NELL1: variants seen among roughly 807,000 people sequenced by gnomAD.
NELL1 encodes protein kinase C-binding protein NELL1.
NELL1 carries 76 observed loss-of-function variants against 107.4 expected under a neutral mutation model. The observed-to-expected ratio is 0.71, with a 90% CI of 0.59 to 0.86. The LOEUF (loss-of-function observed/expected upper bound fraction) is 0.86, where lower values mean the gene tolerates loss of function less well. NELL1 is among the 40% of genes least tolerant of loss of function. The pLI is 0.00. For missense variants in NELL1, 1,024 were observed against 1,005.5 expected, an observed-to-expected ratio of 1.02 and a Z score of -0.25; for synonymous variants, 353 against 341.2, an observed-to-expected ratio of 1.03 and a Z score of -0.38.
intron 12 of NELL1, among the ~76,000 whole-genome samples, chr11:21,082,643 T>A (rs1854295980): frequency 6.6e-6 from 1 of 152,202 alleles, no homozygotes; most frequent in East Asian, 1.9e-4. Context: ...TTTGAAAGCC[T>A]CTAGGATCTG....
chr11:21,560,687 G>C (rs1432732515), intron 17 of NELL1, among the ~76,000 whole-genome samples: 6 of 152,020 alleles, frequency 3.9e-5, no homozygotes, highest in Non-Finnish European at 5.9e-5. Context: ...GGTTGGTTGG[G>C]TGAGAGTTTT....
In NELL1 at chr11:21,246,114, A is replaced by G. The variant is rs1350756276; in HGVS notation, c.1549+16660A>G. On this transcript the variant is annotated intron_variant, in intron 14 of 19. Transcript: ENST00000357134. ...AGCCCACCCATATGACAGTAATAAC[A>G]GCTAATATATATTGAGCGTCTATAT... is the stretch of plus-strand genomic sequence containing the variant. 2.6e-5 allele frequency among the ~76,000 whole-genome samples: 4 copies of G among 152,304 alleles called. No individual in the cohort carries two copies. The East Asian group carries it at 7.7e-4, about 29-fold the overall frequency.
At chr11:21,419,590 A>G (rs999825884) in intron 15 of NELL1, among the ~76,000 whole-genome samples, 4 of 152,230 alleles carry the variant, frequency 2.6e-5, no homozygotes, top group Admixed American at 2.6e-4. Flanking sequence ...AATATTTCTT[A>G]TTACTGGTCC....
At chr11:21,554,804 G>A (rs1168774458) in intron 16 of NELL1, among the ~76,000 whole-genome samples, 1 of 151,828 alleles carries the variant, frequency 6.6e-6, no homozygotes, top group Non-Finnish European at 1.5e-5. Context: ...AAATTGCAGG[G>A]ATGGACTGGG....
At chr11:21,208,091 C>G (rs940812697) in intron 13 of NELL1, among the ~76,000 whole-genome samples, 1 of 151,974 alleles carries the variant, frequency 6.6e-6, no homozygotes, top group African/African-American at 2.4e-5. Context: ...AAATACAGTA[C>G]AATTTTATTT....
intron 12 of NELL1, among the ~76,000 whole-genome samples, chr11:21,009,434 C>A (rs1164610088): frequency 6.6e-6 from 1 of 152,000 alleles, no homozygotes; most frequent in Non-Finnish European, 1.5e-5. Context: ...GTAATAAAAC[C>A]CAAATCCAAA....
intron 12 of NELL1, among the ~76,000 whole-genome samples, chr11:21,017,572 G>A (rs1035917264): frequency 2.0e-5 from 3 of 151,462 alleles, no homozygotes; most frequent in African/African-American, 7.3e-5. Flanking sequence ...AGAGAATTAT[G>A]GTACCGGCTT....
intron 3 of NELL1, among the ~76,000 whole-genome samples, chr11:20,816,644 T>C (rs1462076957): frequency 6.6e-6 from 1 of 152,156 alleles, no homozygotes; most frequent in Non-Finnish European, 1.5e-5. Flanking sequence ...TTTCTGTTGC[T>C]AGATTGCTCT....
At chr11:20,878,528 A>G (rs1265530369) in intron 4 of NELL1, among the ~76,000 whole-genome samples, 1 of 152,064 alleles carries the variant, frequency 6.6e-6, no homozygotes, top group Non-Finnish European at 1.5e-5. Context: ...AGAGACAGTG[A>G]GAGGAGTTTA....
intron 13 of NELL1, among the ~76,000 whole-genome samples, chr11:21,162,623 G>A (rs184380518): frequency 1.7e-4 from 26 of 152,256 alleles, no homozygotes; most frequent in African/African-American, 6.3e-4. Context: ...CATAGGGCTT[G>A]GAATTAGTTT....
chr11:21,119,386 G>GA (rs5790163), intron 13 of NELL1, among the ~76,000 whole-genome samples: 43,881 of 128,858 alleles, frequency 0.34, 6,714 homozygotes, highest in East Asian at 0.43. Flanking sequence ...GCTAAAAATT[G>GA]AAAAAAAAAA....
chr11:20,915,717 A>ATATATATATATATCAATTTTTT, intron 5 of NELL1, among the ~76,000 whole-genome samples: 1 of 58,224 alleles, frequency 1.7e-5, no homozygotes, highest in Non-Finnish European at 2.9e-5. Flanking sequence ...ATATATATAT[A>ATATATATATATATCAATTTTTT]TTTTTTTTTT....
chr11:20,998,477 CAGT>C (rs1479493800), intron 12 of NELL1, among the ~76,000 whole-genome samples: 3 of 151,974 alleles, frequency 2.0e-5, no homozygotes, highest in Non-Finnish European at 4.4e-5. Flanking sequence ...TTTTTTTCCA[CAGT>C]GAGGATGGTG....
intron 18 of NELL1, among the ~76,000 whole-genome samples, chr11:21,571,309 A>G (rs1328080847): frequency 2.6e-5 from 4 of 151,856 alleles, no homozygotes; most frequent in African/African-American, 9.7e-5. Flanking sequence ...AAAGATTTCA[A>G]TATAAGAGGT....
chr11:21,519,179 G>A (rs534839591), intron 15 of NELL1, among the ~76,000 whole-genome samples: 1 of 152,180 alleles, frequency 6.6e-6, no homozygotes, highest in African/African-American at 2.4e-5. Flanking sequence ...ATCTCCAGCA[G>A]ACTTCTCCTT....
At chr11:21,523,079 C>T (rs958477200) in intron 15 of NELL1, among the ~76,000 whole-genome samples, 2 of 151,970 alleles carry the variant, frequency 1.3e-5, no homozygotes, top group African/African-American at 4.8e-5. Flanking sequence ...GATCTCCTGA[C>T]CTCGTGATCC....
At chr11:21,158,253 T>C (rs1351722177) in intron 13 of NELL1, among the ~76,000 whole-genome samples, 1 of 152,198 alleles carries the variant, frequency 6.6e-6, no homozygotes, top group Non-Finnish European at 1.5e-5. Context: ...TTTTGAGATT[T>C]TGGGGCTCGG....
intron 15 of NELL1, among the ~76,000 whole-genome samples, chr11:21,503,103 A>G (rs1349952367): frequency 2.0e-5 from 3 of 152,040 alleles, no homozygotes; most frequent in Non-Finnish European, 4.4e-5. Flanking sequence ...CTGGTCTCGA[A>G]CTCCTGACCT....
intron 12 of NELL1, among the ~76,000 whole-genome samples, chr11:20,970,452 G>A (rs1227151052): frequency 1.3e-5 from 2 of 152,152 alleles, no homozygotes; most frequent in Non-Finnish European, 2.9e-5. Context: ...GGGGAAAAGA[G>A]CCTTGTATCA....
Sources: allele counts gnomAD v4.1 joint callset (sites outside exome capture counted in the v4.1 genomes callset), GRCh38; gene constraint gnomAD v4.1.1; transcripts MANE v1.5; gene names NCBI Gene and HGNC (gene_info 2026-07-23, HGNC 2026-07-21).